The following AARS2 variants were observed in gnomAD, a reference collection of about 807,000 sequenced individuals.
AARS2 encodes alanine--tRNA ligase, mitochondrial.
A neutral mutation model predicts 119.7 loss-of-function variants in AARS2; 78 were observed. The ratio of observed to expected loss-of-function variants is 0.65; its 90% confidence interval spans 0.54 to 0.79. The LOEUF (loss-of-function observed/expected upper bound fraction) is 0.79. Ranked by LOEUF, AARS2 falls within the 30% of genes least tolerant of loss-of-function variation. AARS2 has a pLI of 0.00. For synonymous variants in AARS2, 502 were observed against 526.3 expected (o/e 0.95, Z 0.63); for missense variants, 1,157 against 1,291.3 (o/e 0.90, Z 1.59).
chr6:44,300,231 G>T lies in AARS2; in HGVS notation c.*316C>A. ...CCTGACCTCATGATCTACCTGCCTC[G>T]GCCTCCCAAAGTGCTTGGATTACAG... is the stretch of plus-strand genomic sequence containing the variant. On this transcript the variant is annotated 3_prime_UTR_variant, in exon 22 of 22. Coordinates refer to ENST00000244571, the MANE Select transcript of AARS2 (RefSeq NM_020745.4). The T allele has an allele frequency of 2.5e-6, 1 of 399,084 alleles. No individual in the cohort carries two copies. The highest frequency in any genetic ancestry group is 4.7e-6 in the Non-Finnish European group (1 of 211,890). 24.7% of individuals were successfully genotyped at this position (399,084 alleles called of 1,614,324 possible).
chr6:44,312,723 A>C (rs1003449632), intron 1 of AARS2, among the ~76,000 whole-genome samples: 2 of 152,196 alleles, frequency 1.3e-5, no homozygotes, highest in Non-Finnish European at 2.9e-5. Flanking sequence ...GTTGATAAAA[A>C]CCAAAACCTT....
rs1434976230 is a variant in AARS2, at chr6:44,304,488, T to G, written c.1798A>C (p.Ile600Leu). The G allele has an allele frequency of 6.2e-7, 1 of 1,614,130 alleles. No individual in the cohort carries two copies. Among genetic ancestry groups the G allele is most frequent in the Admixed American group, 1.7e-5 (1 of 60,024 alleles). The change falls in exon 13 of 22, where the codon ATC becomes CTC. Residue 600 changes from isoleucine to leucine, a missense_variant. Coordinates refer to ENST00000244571, the MANE Select transcript of AARS2 (RefSeq NM_020745.4). The stretch of plus-strand genomic sequence containing the variant: ...TCAGGGGCTACTGCCTCATGCAGGA[T>G]GAAACCTCCACAGACCTGGGCCCGG... ...VARAQVCGGF[I>L]LHEAVAPECL...
chr6:44,302,196 C>T (rs1291101527), intron 18 of AARS2, 26 bp from the exon 19 acceptor site: 1 of 1,613,144 alleles, frequency 6.2e-7, no homozygotes, highest in Non-Finnish European at 8.5e-7. Context: ...GTACATCACC[C>T]CTGCCCTTCC....
chr6:44,312,074 T>C lies in AARS2; in HGVS notation c.433A>G (p.Lys145Glu). Residue 145 changes from lysine (K) to glutamate (E), a missense_variant and splice_region_variant, in exon 2 of 22, where the codon AAG (lysine) becomes GAG (glutamate). Lys to Glu is a moderately conservative substitution (Grantham distance 56). Transcript: ENST00000244571. The part of the protein sequence containing the change: ...GNWAFGGEYF[K>E]EEACNMAWEL... ...ATCACTGATCCCCAGAGACTCACCT[T>C]AAAATATTCACCCCCAAAGGCCCAA... 3 of 1,614,062 alleles carry C rather than the reference T, an allele frequency of 1.9e-6. No homozygotes were observed. Among genetic ancestry groups the C allele is most frequent in the Non-Finnish European group, 2.5e-6 (3 of 1,179,956 alleles).
chr6:44,308,473 A>G (rs185817386), intron 5 of AARS2, among the ~76,000 whole-genome samples: 2 of 151,708 alleles, frequency 1.3e-5, no homozygotes, highest in African/African-American at 2.4e-5. Flanking sequence ...CCGGAGGCAG[A>G]GGTTGCAGTG....
chr6:44,302,336 G>A, intron 18 of AARS2, 55 bp downstream of exon 18: 1 of 1,613,704 alleles, frequency 6.2e-7, no homozygotes, highest in African/African-American at 1.3e-5. Context: ...GTCCAGGGAG[G>A]AATAGGGGAG....
chr6:44,311,209 C>T (rs1172417744), intron 3 of AARS2, 48 bp from the exon 4 acceptor site: 6 of 1,612,002 alleles, frequency 3.7e-6, no homozygotes, highest in Non-Finnish European at 5.1e-6. Flanking sequence ...GACCCAGAAG[C>T]TGGGACTCTC....
chr6:44,301,104 G>A (rs1785314934), intron 21 of AARS2, 52 bp downstream of exon 21: 1 of 1,509,050 alleles, frequency 6.6e-7, no homozygotes, highest in African/African-American at 1.4e-5. Context: ...CAGAGAGCTG[G>A]ACCAGGATGG....
chr6:44,312,299 A>G (rs1212647785), intron 1 of AARS2, 36 bp from the exon 2 acceptor site: 1 of 1,599,680 alleles, frequency 6.3e-7, no homozygotes, highest in Admixed American at 1.7e-5. Context: ...GGAGAGGGAT[A>G]TCCAATTTCT....
Position 44,306,520 on chromosome 6 carries a change from G to A in AARS2, c.1162C>T (p.Pro388Ser), listed in dbSNP as rs139372744. 3.8e-4 allele frequency: 611 copies of A among 1,614,128 alleles called. 1 individual carries two copies. The African/African-American group carries it at 6.9e-3, about 18-fold the overall frequency. ...VVVETLGDAY[P>S]ELQRNSAQIA... Reference sequence around the variant, plus strand: ...TGGGCTGAGTTCCTTTGCAGTTCTGGATAAGCATCTCCCTGGGGGAGGTGG... The same window carrying A: ...TGGGCTGAGTTCCTTTGCAGTTCTGAATAAGCATCTCCCTGGGGGAGGTGG... Residue 388 changes from proline (P) to serine (S), a missense_variant, in exon 8 of 22, where the codon CCA (proline) becomes TCA (serine). Pro to Ser is a moderately conservative substitution (Grantham distance 74, BLOSUM62 -1). Coordinates refer to ENST00000244571, the MANE Select transcript of AARS2 (RefSeq NM_020745.4).
rs1361672646 is a variant in AARS2 at position 44,299,793 on chromosome 6, A to G, written c.*754T>C. The stretch of plus-strand genomic sequence containing the variant: ...TTCTGTATCTTCCCAGTAGCCAGGG[A>G]GCCCTTTGTCTGCCCACTGTTGCCT... On this transcript the variant is annotated 3_prime_UTR_variant, in exon 22 of 22. Transcript: ENST00000244571. 6.6e-6 allele frequency: 1 copy of G among 152,324 alleles called. No homozygotes were observed. The highest frequency in any genetic ancestry group is 1.5e-5 in the Non-Finnish European group (1 of 68,186). The allele number at this position is 152,324 out of a possible 1,614,324, so 9.4% of individuals were successfully genotyped here.
rs1043550283 is a variant in AARS2, at chr6:44,313,286, C to T, written c.38G>A (p.Arg13Gln). The change falls in exon 1 of 22, where the codon CGG (arginine) becomes CAG (glutamine). Residue 13 changes from arginine to glutamine, a missense_variant. By Grantham distance (43) the Arg-to-Gln change is conservative (BLOSUM62 1). Coordinates refer to ENST00000244571, the MANE Select transcript of AARS2 (RefSeq NM_020745.4). ...ASVAAAARRLRRAIRRSPAWR... is the reference protein window; with the variant it reads ...ASVAAAARRLQRAIRRSPAWR... Reference sequence around the variant, plus strand: ...TGCGGGCGACCTTCGAATGGCCCGCCGCAGCCTCCGGGCTGCAGCTGCCAC... The same window carrying T: ...TGCGGGCGACCTTCGAATGGCCCGCTGCAGCCTCCGGGCTGCAGCTGCCAC... 10 of 1,598,124 alleles carry T rather than the reference C, an allele frequency of 6.3e-6. No homozygotes were observed. The highest frequency in any genetic ancestry group is 1.1e-5 in the South Asian group (1 of 90,122).
intron 4 of AARS2, 105 bp downstream of exon 4, chr6:44,310,889 C>T (rs1786292126): frequency 1.4e-6 from 2 of 1,432,674 alleles, no homozygotes; most frequent in South Asian, 2.3e-5. Flanking sequence ...ACACGGTAAG[C>T]ACCGTTTACA....
chr6:44,312,084 AC>A lies in AARS2; in HGVS notation c.422del (p.Gly141ValfsTer16). ...FEMLGNWAFG[G>X]EYFKEEACNM... ...CCCAGAGACTCACCTTAAAATATTCACCCCCAAAGGCCCAATTGCCAAGCAT... is the reference window on the plus strand; with the variant it reads ...CCCAGAGACTCACCTTAAAATATTCACCCCAAAGGCCCAATTGCCAAGCAT... On this transcript the variant is annotated frameshift_variant, in exon 2 of 22. Coordinates refer to ENST00000244571, the MANE Select transcript of AARS2 (RefSeq NM_020745.4). LOFTEE classifies it high-confidence loss of function. The A allele has an allele frequency of 1.9e-6, 3 of 1,613,882 alleles. No individual in the cohort carries two copies. Among genetic ancestry groups the A allele is most frequent in the Non-Finnish European group, 2.5e-6 (3 of 1,179,972 alleles).
Position 44,306,389 on chromosome 6 carries a change from G to T in AARS2, c.1191C>A (p.Ile397=), listed in dbSNP as rs745806197. The change falls in exon 9 of 22, where the codon ATC becomes ATA. Residue 397 remains isoleucine (I), a splice_region_variant and synonymous_variant. Transcript: ENST00000244571. ...YPELQRNSAQ[I]ANLVSEDEAA... is the part of the protein sequence containing the mutation. ...CCTCGTCCTCTGACACCAGGTTGGC[G>T]ATCTGAACCAGGCAGAGAAGAAGTG... 1.9e-6 allele frequency: 3 copies of T among 1,614,016 alleles called. No homozygotes were observed. Among genetic ancestry groups the T allele is most frequent in the East Asian group, 4.5e-5 (2 of 44,770 alleles).
intron 14 of AARS2, among the ~76,000 whole-genome samples, chr6:44,303,879 A>G (rs1379795757): frequency 6.6e-6 from 1 of 152,178 alleles, no homozygotes; most frequent in Non-Finnish European, 1.5e-5. Flanking sequence ...TTTAGGCAAG[A>G]ATGGCTTGGA....
intron 20 of AARS2, 34 bp from the exon 21 acceptor site, chr6:44,301,300 C>T (rs1419512359): frequency 2.0e-5 from 32 of 1,613,646 alleles, no homozygotes; most frequent in South Asian, 3.3e-5. Context: ...GAGCCCATCG[C>T]TTCCCAGACC....
chr6:44,313,141 G>A lies in AARS2; in HGVS notation c.183C>T (p.Ser61=). Residue 61 remains serine, a synonymous_variant, in exon 1 of 22, where the codon TCC becomes TCT. Transcript: ENST00000244571. ...GGTCGCCGCGGGGCCGCACGGAAGCGGAGGGCACCAGCCGGTGGCCATGGC... is the reference window on the plus strand; with the variant it reads ...GGTCGCCGCGGGGCCGCACGGAAGCAGAGGGCACCAGCCGGTGGCCATGGC... ...RDRHGHRLVP[S]ASVRPRGDPS... 10 of 1,611,850 alleles carry A rather than the reference G, an allele frequency of 6.2e-6. No individual in the cohort carries two copies. Among genetic ancestry groups the A allele is most frequent in the Non-Finnish European group, 8.5e-6 (10 of 1,179,536 alleles).
chr6:44,300,855 G>A (rs1399112121), intron 21 of AARS2, 144 bp from the exon 22 acceptor site: 11 of 1,106,122 alleles, frequency 9.9e-6, no homozygotes, highest in African/African-American at 1.5e-5. Context: ...GTGATGAGCC[G>A]GAGAAGGTTT....
Sources: gnomAD v4.1 joint callset for allele counts (sites outside exome capture counted in the v4.1 genomes callset) on GRCh38, gnomAD v4.1.1 for gene constraint, MANE v1.5 for transcripts, NCBI Gene and HGNC (gene_info 2026-07-23, HGNC 2026-07-21) for gene names.